PARD3B: variants seen among roughly 807,000 people sequenced by gnomAD.
The protein encoded by PARD3B is partitioning defective 3 homolog B.
In PARD3B, 103 loss-of-function variants were observed where a neutral mutation model predicts 130.2. The ratio of observed to expected loss-of-function variants is 0.79; its 90% CI spans 0.67 to 0.93. The LOEUF is 0.93. Ranked by LOEUF, PARD3B falls within the 40% of genes least tolerant of loss-of-function variation. The pLI, the probability that PARD3B is intolerant of heterozygous loss-of-function variation, is 0.00. For missense variants in PARD3B, 1,609 were observed against 1,499.2 expected (o/e 1.07, Z -1.21); for synonymous variants, 583 against 553.2 (o/e 1.05, Z -0.76).
At chr2:205,235,177 T>A (rs753070393) in intron 15 of PARD3B, among the ~76,000 whole-genome samples, 2 of 151,968 alleles carry the variant, frequency 1.3e-5, no homozygotes, top group Non-Finnish European at 2.9e-5. Flanking sequence ...TCACAGCAAT[T>A]TGGGAGGCTG....
chr2:205,208,869 C>T (rs2037467588), intron 15 of PARD3B, among the ~76,000 whole-genome samples: 1 of 141,746 alleles, frequency 7.1e-6, no homozygotes, highest in South Asian at 2.3e-4. Context: ...GAAAAAACTA[C>T]TTTAAAGTTC....
chr2:204,620,303 C>T (rs1412207237), intron 1 of PARD3B, among the ~76,000 whole-genome samples: 1 of 152,248 alleles, frequency 6.6e-6, no homozygotes, highest in South Asian at 2.1e-4. Context: ...TCACCCGGCT[C>T]ATGCACCTTT....
intron 2 of PARD3B, among the ~76,000 whole-genome samples, chr2:204,902,634 A>C (rs1047001465): frequency 7.2e-6 from 1 of 137,976 alleles, no homozygotes; most frequent in South Asian, 2.2e-4. Context: ...GCGCCACTGC[A>C]CTCCAGCCTG....
chr2:205,614,621 G>A (rs976025080), intron 22 of PARD3B, among the ~76,000 whole-genome samples: 5 of 151,870 alleles, frequency 3.3e-5, no homozygotes, highest in Middle Eastern at 3.4e-3. Context: ...TGGGAGAATC[G>A]CTTGAACCCA....
Position 204,907,009 on chromosome 2 carries a change from C to A in PARD3B, c.223-58143C>A, listed in dbSNP as rs776384922. On this transcript the variant is annotated intron_variant, in intron 2 of 22. Coordinates refer to ENST00000406610, the MANE Select transcript of PARD3B (RefSeq NM_001302769.2). The surrounding 1 kb of genome is among the most constrained non-coding windows in gnomAD (Gnocchi z 5.7). ...TTTTTTTTTTCTTTTCAGACTGAGT[C>A]TTGCTCTGTCGCCCAGGCTGGAGTT... Among the ~76,000 whole-genome samples, 15 of 151,698 alleles carry A rather than the reference C, an allele frequency of 9.9e-5. No homozygotes were observed. Among genetic ancestry groups the A allele is most frequent in the Non-Finnish European group, 2.1e-4 (14 of 67,956 alleles).
intron 2 of PARD3B, among the ~76,000 whole-genome samples, chr2:204,728,905 C>T (rs2039363005): frequency 6.6e-6 from 1 of 152,140 alleles, no homozygotes; most frequent in Non-Finnish European, 1.5e-5. Context: ...TCCCTCAGAA[C>T]CCAGGAGGAG....
intron 2 of PARD3B, among the ~76,000 whole-genome samples, chr2:204,924,493 A>C (rs549621069): frequency 1.2e-4 from 19 of 152,188 alleles, no homozygotes; most frequent in Admixed American, 1.1e-3. Flanking sequence ...CCATGTATTA[A>C]AAATATATGA....
At chr2:205,024,561 G>C (rs1480634572) in intron 3 of PARD3B, among the ~76,000 whole-genome samples, 5 of 152,086 alleles carry the variant, frequency 3.3e-5, no homozygotes, top group Non-Finnish European at 7.4e-5. Flanking sequence ...TGTAGGTAGT[G>C]GTTATGTGGA....
intron 2 of PARD3B, among the ~76,000 whole-genome samples, chr2:204,840,635 A>T (rs2044225993): frequency 6.6e-6 from 1 of 152,104 alleles, no homozygotes; most frequent in South Asian, 2.1e-4. Flanking sequence ...AAAATTGTAT[A>T]TTGTATGAGG....
intron 18 of PARD3B, among the ~76,000 whole-genome samples, chr2:205,349,894 G>C (rs1357652316): frequency 6.9e-6 from 1 of 145,102 alleles, no homozygotes. Flanking sequence ...TCACTTGATA[G>C]AGTGCAGACT....
intron 1 of PARD3B, among the ~76,000 whole-genome samples, chr2:204,611,988 G>A (rs2033946515): frequency 6.6e-6 from 1 of 152,204 alleles, no homozygotes; most frequent in Admixed American, 6.5e-5. Flanking sequence ...AGTTAGACAA[G>A]TAACTGGTGA....
At chr2:205,189,659 A>C (rs1021285958) in intron 14 of PARD3B, among the ~76,000 whole-genome samples, 2 of 152,222 alleles carry the variant, frequency 1.3e-5, no homozygotes, top group Non-Finnish European at 2.9e-5. Context: ...TGTAGCGTAA[A>C]GTTACAAACC....
intron 18 of PARD3B, among the ~76,000 whole-genome samples, chr2:205,326,469 G>C (rs955285734): frequency 6.6e-6 from 1 of 152,164 alleles, no homozygotes; most frequent in African/African-American, 2.4e-5. Context: ...CTGGAAAGTG[G>C]AGGAGATGAC....
At chr2:205,347,473 G>A (rs1025551075) in intron 18 of PARD3B, among the ~76,000 whole-genome samples, 2 of 152,200 alleles carry the variant, frequency 1.3e-5, no homozygotes, top group South Asian at 2.1e-4. Flanking sequence ...CTATTTGGTA[G>A]TCTTGGAAAT....
At chr2:205,548,420 C>A (rs548472217) in intron 21 of PARD3B, among the ~76,000 whole-genome samples, 2 of 152,124 alleles carry the variant, frequency 1.3e-5, no homozygotes, top group Admixed American at 1.3e-4. Context: ...TTCATTTATT[C>A]CTGTTTTGGT....
At position 204,649,338 on chromosome 2, in the gene PARD3B, G is replaced by A. The variant is rs2035399717; in HGVS notation, c.121-36843G>A. 2.6e-5 allele frequency among the ~76,000 whole-genome samples: 4 copies of A among 151,612 alleles called. No individual in the cohort carries two copies. In the South Asian group the frequency reaches 8.3e-4, roughly 31 times the overall value. On this transcript the variant is annotated intron_variant, in intron 1 of 22. Coordinates refer to ENST00000406610, the MANE Select transcript of PARD3B (RefSeq NM_001302769.2). ...TATGTATTTTGAGTACTAACCTTTT[G>A]TCACACTGTTTTCCAAGGAGAAATT...
At chr2:205,066,336 A>C (rs1700375762) in intron 4 of PARD3B, among the ~76,000 whole-genome samples, 1 of 152,180 alleles carries the variant, frequency 6.6e-6, no homozygotes, top group Non-Finnish European at 1.5e-5. Context: ...TACAGTTAAG[A>C]TAGGTGCCTT....
intron 2 of PARD3B, among the ~76,000 whole-genome samples, chr2:204,836,127 AT>A (rs2044023247): frequency 6.6e-6 from 1 of 152,272 alleles, no homozygotes; most frequent in Non-Finnish European, 1.5e-5. Flanking sequence ...ACTTTGTCTG[AT>A]TTTCTTCCAT....
chr2:204,881,278 T>A (rs1303863273), intron 2 of PARD3B, among the ~76,000 whole-genome samples: 1 of 152,166 alleles, frequency 6.6e-6, no homozygotes, highest in African/African-American at 2.4e-5. Context: ...TAAAATGCCA[T>A]TTTCAACAGT....
Sources: gnomAD v4.1 joint callset for allele counts (sites outside exome capture counted in the v4.1 genomes callset) on GRCh38, gnomAD v4.1.1 for gene constraint, Gnocchi (gnomAD v3.1) non-coding constraint, MANE v1.5 for transcripts, NCBI Gene and HGNC (gene_info 2026-07-23, HGNC 2026-07-21) for gene names.